Variants in EIF4G3 observed in about 807,000 individuals in gnomAD.
The protein encoded by EIF4G3 is eIF-4-gamma 3.
Under a neutral mutation model 186.4 loss-of-function variants are expected in EIF4G3, and 34 were observed. The observed-to-expected ratio is 0.18, with a 90% CI of 0.14 to 0.24. The LOEUF (loss-of-function observed/expected upper bound fraction) is 0.24, where lower values mean the gene tolerates loss of function less well. EIF4G3 is among the 10% of genes least tolerant of loss of function. The pLI is 1.00. For synonymous variants in EIF4G3, 673 were observed against 679.5 expected (o/e 0.99, Z 0.15); for missense variants, 1,536 against 1,948.5 (o/e 0.79, Z 3.99).
At chr1:20,952,065 A>G (rs562614753) in intron 12 of EIF4G3, among the ~76,000 whole-genome samples, 4 of 152,334 alleles carry the variant, frequency 2.6e-5, no homozygotes, top group East Asian at 3.9e-4. Flanking sequence ...ATGTAGAACT[A>G]AAGATCCTAC....
intron 18 of EIF4G3, chr1:20,893,315 C>A: frequency 2.2e-6 from 1 of 460,442 alleles, no homozygotes; most frequent in Non-Finnish European, 3.6e-6. Flanking sequence ...CAAATTAATG[C>A]AGACTAGCTT....
At chr1:21,023,831 G>A (rs2091443545) in intron 4 of EIF4G3, among the ~76,000 whole-genome samples, 2 of 144,284 alleles carry the variant, frequency 1.4e-5, no homozygotes, top group African/African-American at 5.2e-5. Flanking sequence ...CTTCCCGGCC[G>A]CCATCACATC....
At position 20,981,094 on chromosome 1, in the gene EIF4G3, G is replaced by T. The variant is rs1250263137; in HGVS notation, c.332C>A (p.Pro111His). Residue 111 changes from proline to histidine, a missense_variant, in exon 9 of 37, where the codon CCC becomes CAC. By Grantham distance (77) the Pro-to-His change is moderately conservative. Coordinates refer to ENST00000602326, the MANE Select transcript of EIF4G3 (RefSeq NM_001391906.1). ...NQHIMMVNHLPMPYPVPQGPQ... is the reference protein window; with the variant it reads ...NQHIMMVNHLHMPYPVPQGPQ... ...CCCCTGGGGCACTGGGTACGGCATG[G>T]GCAGATGGTTAACCATCATGATGTG... The T allele has an allele frequency of 6.2e-7, 1 of 1,613,474 alleles. No homozygotes were observed. The highest frequency in any genetic ancestry group is 2.2e-5 in the East Asian group (1 of 44,858).
intron 2 of EIF4G3, among the ~76,000 whole-genome samples, chr1:21,173,167 A>G (rs1157391648): frequency 1.4e-5 from 2 of 140,280 alleles, no homozygotes; most frequent in African/African-American, 2.6e-5. Context: ...AAAAAAAAAG[A>G]CGTGGGTTCC....
At chr1:21,131,110 C>A (rs972377989) in intron 2 of EIF4G3, among the ~76,000 whole-genome samples, 1 of 151,692 alleles carries the variant, frequency 6.6e-6, no homozygotes, top group East Asian at 1.9e-4. Context: ...CATGCTGGTG[C>A]GCGCCTGTAA....
intron 33 of EIF4G3, 87 bp from the exon 34 acceptor site, chr1:20,817,625 C>T (rs2061388590): frequency 1.3e-6 from 1 of 757,956 alleles, no homozygotes; most frequent in African/African-American, 1.8e-5. Flanking sequence ...TCATAGGTTA[C>T]GTCTTCTATT....
Position 20,851,334 on chromosome 1 carries a change from G to A in EIF4G3, c.3696C>T (p.Thr1232=), listed in dbSNP as rs111282256. Residue 1232 remains threonine (T), a synonymous_variant, in exon 28 of 37, where the codon ACC becomes ACT. Coordinates refer to ENST00000602326, the MANE Select transcript of EIF4G3 (RefSeq NM_001391906.1). The part of the protein sequence containing the change: ...QEEQRREMLE[T]VKQLTGGVDV... ...CCACACCTCCTGTGAGCTGCTTCAC[G>A]GTCTCCAGCATCTCTCTCCGCTGCT... 2.5e-6 allele frequency: 4 copies of A among 1,613,902 alleles called. No individual in the cohort carries two copies. The highest frequency in any genetic ancestry group is 1.3e-5 in the African/African-American group (1 of 74,870).
intron 11 of EIF4G3, among the ~76,000 whole-genome samples, chr1:20,972,434 G>C (rs2076085579): frequency 1.3e-5 from 2 of 152,014 alleles, no homozygotes; most frequent in Admixed American, 1.3e-4. Context: ...AGGAGTTCGA[G>C]ATCACCCTGG....
intron 4 of EIF4G3, among the ~76,000 whole-genome samples, chr1:21,030,509 T>G (rs2092643742): frequency 6.6e-6 from 1 of 152,186 alleles, no homozygotes; most frequent in Non-Finnish European, 1.5e-5. Flanking sequence ...GGAGCCCAAG[T>G]CCAACAAACC....
intron 33 of EIF4G3, among the ~76,000 whole-genome samples, chr1:20,823,019 A>T (rs912785241): frequency 6.6e-6 from 1 of 151,912 alleles, no homozygotes; most frequent in African/African-American, 2.4e-5. Context: ...GCTACTGCAA[A>T]GTCTAATTTT....
intron 2 of EIF4G3, among the ~76,000 whole-genome samples, chr1:21,103,225 A>G (rs964282051): frequency 9.2e-5 from 14 of 152,116 alleles, no homozygotes; most frequent in African/African-American, 3.4e-4. Flanking sequence ...CTCTACTCCT[A>G]TACTGCTTTC....
intron 2 of EIF4G3, among the ~76,000 whole-genome samples, chr1:21,165,422 C>T (rs1199643955): frequency 6.6e-6 from 1 of 152,108 alleles, no homozygotes; most frequent in African/African-American, 2.4e-5. Flanking sequence ...AAATTTTATC[C>T]AACCTTTTGG....
intron 3 of EIF4G3, among the ~76,000 whole-genome samples, chr1:21,052,745 T>C (rs1433875026): frequency 6.6e-6 from 1 of 152,200 alleles, no homozygotes; most frequent in African/African-American, 2.4e-5. Flanking sequence ...CACGCCTGAC[T>C]GGTTCTCGTA....
At chr1:20,857,642 G>A (rs1437099031) in intron 24 of EIF4G3, 145 bp from the exon 25 acceptor site, 2 of 738,274 alleles carry the variant, frequency 2.7e-6, no homozygotes, top group East Asian at 2.5e-5. Flanking sequence ...TCCCATGGCA[G>A]GAAAATATAA....
chr1:20,999,211 C>A, intron 6 of EIF4G3: 1 of 227,552 alleles, frequency 4.4e-6, no homozygotes, highest in Non-Finnish European at 9.2e-6. Context: ...TTAGGTCAGC[C>A]ATCATACTTG....
chr1:20,998,408 T>C (rs777050164), intron 6 of EIF4G3, among the ~76,000 whole-genome samples: 1 of 152,154 alleles, frequency 6.6e-6, no homozygotes, highest in Non-Finnish European at 1.5e-5. Context: ...TCTTAATTAC[T>C]ATAGACAACA....
In EIF4G3 at chr1:21,002,729, G is replaced by C. The variant is rs1174947683; in HGVS notation, c.14C>G (p.Pro5Arg). 6.2e-7 allele frequency: 1 copy of C among 1,613,582 alleles called. No homozygotes were observed. The highest frequency in any genetic ancestry group is 2.2e-5 in the East Asian group (1 of 44,850). Residue 5 changes from proline to arginine, a missense_variant, in exon 5 of 37, where the codon CCT becomes CGT. Physicochemically the swap from Pro to Arg is moderately radical, Grantham distance 103. Transcript: ENST00000602326. Reference sequence around the variant, plus strand: ...CTTACTTACCGGAGAACGGGTTTGAGGTTGTGAATTCATTGTCTGAGGGGT... The same window carrying C: ...CTTACTTACCGGAGAACGGGTTTGACGTTGTGAATTCATTGTCTGAGGGGT... MNSQ[P>R]QTRSPPSRTV... is the part of the protein sequence containing the mutation.
intron 19 of EIF4G3, among the ~76,000 whole-genome samples, chr1:20,882,060 G>A (rs2082497058): frequency 6.6e-6 from 1 of 151,804 alleles, no homozygotes. Flanking sequence ...CTACTTGTGG[G>A]GCTGAGGCAG....
At chr1:21,009,022 G>A (rs1313661515) in intron 4 of EIF4G3, among the ~76,000 whole-genome samples, 2 of 152,130 alleles carry the variant, frequency 1.3e-5, no homozygotes, top group African/African-American at 4.8e-5. Context: ...CTTAGAGCTG[G>A]TAAAGACTTA....
Sources: gnomAD v4.1 joint callset for allele counts (sites outside exome capture counted in the v4.1 genomes callset) on GRCh38, gnomAD v4.1.1 for gene constraint, MANE v1.5 for transcripts, NCBI Gene and HGNC (gene_info 2026-07-23, HGNC 2026-07-21) for gene names.